Variants in HS6ST3 observed in about 807,000 individuals in gnomAD.
HS6ST3 encodes the protein heparan-sulfate 6-O-sulfotransferase 3.
A neutral mutation model predicts 36.7 loss-of-function variants in HS6ST3; 12 were observed. That is an observed-to-expected ratio of 0.33 (90% CI 0.21 to 0.53). The LOEUF (loss-of-function observed/expected upper bound fraction) is 0.53. Ranked by LOEUF, HS6ST3 falls within the 20% of genes least tolerant of loss-of-function variation. The pLI is 0.95. For synonymous variants in HS6ST3, 240 were observed against 257.5 expected, an observed-to-expected ratio of 0.93 and a Z score of 0.65; for missense variants, 584 against 640.9, an observed-to-expected ratio of 0.91 and a Z score of 0.96.
At chr13:96,691,631 TCCC>T in intron 1 of HS6ST3, among the ~76,000 whole-genome samples, 1 of 150,540 alleles carries the variant, frequency 6.6e-6, no homozygotes, top group South Asian at 2.1e-4. Flanking sequence ...TTTCTTCCCT[TCCC>T]TTCCCTTCCC....
At chr13:96,480,269 A>G (rs1179078657) in intron 1 of HS6ST3, among the ~76,000 whole-genome samples, 1 of 152,078 alleles carries the variant, frequency 6.6e-6, no homozygotes, top group Non-Finnish European at 1.5e-5. Flanking sequence ...GCCTGCCACC[A>G]CACCAGGCTA....
rs1339637754 is a variant in HS6ST3, at chr13:96,831,980, A to AAAAAAAAAAAAC, written c.708-510_708-509insAAAAAAAAAAAC. On this transcript the variant is annotated intron_variant, in intron 1 of 1. Transcript: ENST00000376705. ...AAAAAAAAAAAAAAAAAAAAAAAAA[A>AAAAAAAAAAAAC]CAGAGATTAAGGAGAATACATGTTC... 3.5e-5 allele frequency among the ~76,000 whole-genome samples: 5 copies of AAAAAAAAAAAAC among 141,906 alleles called. 1 individual carries two copies. The highest frequency in any genetic ancestry group is 1.0e-4 in the African/African-American group (4 of 38,336). 93.1% of individuals were successfully genotyped at this position (141,906 alleles called of 152,430 possible). A position where few individuals can be genotyped will look rare whatever the true frequency, so the allele number is the denominator to read the frequency against.
chr13:96,521,123 A>T (rs112712791), intron 1 of HS6ST3, among the ~76,000 whole-genome samples: 1 of 152,128 alleles, frequency 6.6e-6, no homozygotes, highest in African/African-American at 2.4e-5. Flanking sequence ...GGTTTTTGTC[A>T]TTGGTTCTGT....
chr13:96,192,403 C>T (rs2054292531), intron 1 of HS6ST3, among the ~76,000 whole-genome samples: 1 of 152,070 alleles, frequency 6.6e-6, no homozygotes, highest in Admixed American at 6.6e-5. Context: ...AAATAGTGAA[C>T]ATTGTATCCA....
intron 1 of HS6ST3, among the ~76,000 whole-genome samples, chr13:96,744,077 A>G (rs1876505144): frequency 1.3e-5 from 2 of 151,996 alleles, no homozygotes. Context: ...TCATCTAGTA[A>G]ATGCAAGAAG....
chr13:96,437,927 C>G (rs907297009), intron 1 of HS6ST3, among the ~76,000 whole-genome samples: 1 of 152,148 alleles, frequency 6.6e-6, no homozygotes, highest in Non-Finnish European at 1.5e-5. Flanking sequence ...TGTGTAAATG[C>G]ACAATAAATT....
chr13:96,512,327 C>CCTGTCT (rs2056053189), intron 1 of HS6ST3, among the ~76,000 whole-genome samples: 2 of 152,126 alleles, frequency 1.3e-5, no homozygotes, highest in Non-Finnish European at 2.9e-5. Context: ...GGGCAAGTGC[C>CCTGTCT]CTGTCTGCTT....
At chr13:96,557,365 A>C (rs192371285) in intron 1 of HS6ST3, among the ~76,000 whole-genome samples, 8 of 152,336 alleles carry the variant, frequency 5.3e-5, no homozygotes, top group Non-Finnish European at 1.2e-4. Context: ...ATACCTATGC[A>C]GCCACTGATC....
intron 1 of HS6ST3, among the ~76,000 whole-genome samples, chr13:96,562,134 C>T (rs1002072898): frequency 5.9e-5 from 9 of 152,222 alleles, no homozygotes; most frequent in African/African-American, 2.2e-4. Flanking sequence ...ACTGAGGTAC[C>T]CCTCAATGGT....
intron 1 of HS6ST3, among the ~76,000 whole-genome samples, chr13:96,786,683 T>C (rs1244087859): frequency 1.3e-5 from 2 of 152,182 alleles, no homozygotes; most frequent in Non-Finnish European, 1.5e-5. Flanking sequence ...GCATTACAAA[T>C]TTAGGATAAT....
chr13:96,487,055 A>AT (rs1350467589), intron 1 of HS6ST3, among the ~76,000 whole-genome samples: 1 of 152,150 alleles, frequency 6.6e-6, no homozygotes, highest in Non-Finnish European at 1.5e-5. Flanking sequence ...ACCCTGTTCA[A>AT]TTATCAATTA....
chr13:96,195,822 A>G (rs1336720643), intron 1 of HS6ST3, among the ~76,000 whole-genome samples: 1 of 152,180 alleles, frequency 6.6e-6, no homozygotes, highest in East Asian at 1.9e-4. Flanking sequence ...TTGTTTGCCA[A>G]ACCGGGATAT....
intron 1 of HS6ST3, among the ~76,000 whole-genome samples, chr13:96,470,915 C>T (rs774170822): frequency 3.3e-4 from 50 of 152,234 alleles, no homozygotes; most frequent in Non-Finnish European, 3.7e-4. Flanking sequence ...ATTGTGGAGG[C>T]CTCCAAGTCT....
At chr13:96,492,085 C>T (rs2055948813) in intron 1 of HS6ST3, among the ~76,000 whole-genome samples, 1 of 152,182 alleles carries the variant, frequency 6.6e-6, no homozygotes, top group Non-Finnish European at 1.5e-5. Flanking sequence ...ATCTCTTCCT[C>T]TCTTGCCTGT....
At chr13:96,697,206 G>A (rs1474654039) in intron 1 of HS6ST3, among the ~76,000 whole-genome samples, 1 of 151,676 alleles carries the variant, frequency 6.6e-6, no homozygotes, top group Non-Finnish European at 1.5e-5. Flanking sequence ...TATATGTTAT[G>A]TATATTTGTA....
At position 96,434,084 on chromosome 13, in the gene HS6ST3, G is replaced by A. The variant is rs528147714; in HGVS notation, c.707+342515G>A. Among the ~76,000 whole-genome samples, 7 of 152,326 alleles carry A rather than the reference G, an allele frequency of 4.6e-5. No individual in the cohort carries two copies. In the South Asian group the frequency reaches 1.5e-3, roughly 32 times the overall value. On this transcript the variant is annotated intron_variant, in intron 1 of 1. Transcript: ENST00000376705. Reference sequence around the variant, plus strand: ...AAGAAGATAGCAGTCTGCAAGTCATGTGGAGGGCTCAGAAGAAATCACCCT... The same window carrying A: ...AAGAAGATAGCAGTCTGCAAGTCATATGGAGGGCTCAGAAGAAATCACCCT...
At chr13:96,449,266 C>T (rs972805629) in intron 1 of HS6ST3, among the ~76,000 whole-genome samples, 1 of 152,174 alleles carries the variant, frequency 6.6e-6, no homozygotes, top group Non-Finnish European at 1.5e-5. Context: ...CTGGCATAAT[C>T]TGGAAGTCTT....
intron 1 of HS6ST3, among the ~76,000 whole-genome samples, chr13:96,473,448 A>T (rs972389212): frequency 1.3e-5 from 2 of 152,186 alleles, no homozygotes; most frequent in African/African-American, 4.8e-5. Flanking sequence ...CTTGTTTTAG[A>T]ATGCATGTGC....
chr13:96,462,209 A>G (rs2055787906), intron 1 of HS6ST3, among the ~76,000 whole-genome samples: 1 of 152,110 alleles, frequency 6.6e-6, no homozygotes, highest in Non-Finnish European at 1.5e-5. Context: ...AGCTAGGACA[A>G]CAAGTGTGTG....
Sources: gnomAD v4.1 joint callset for allele counts (sites outside exome capture counted in the v4.1 genomes callset) on GRCh38, gnomAD v4.1.1 for gene constraint, MANE v1.5 for transcripts, NCBI Gene and HGNC (gene_info 2026-07-23, HGNC 2026-07-21) for gene names.